IL1RAPL1: variants seen among roughly 807,000 people sequenced by gnomAD.
IL1RAPL1 encodes interleukin 1 receptor accessory protein like 1, also known as interleukin-1 receptor accessory protein-like 1.
A neutral mutation model predicts 48.4 loss-of-function variants in IL1RAPL1; 3 were observed. The ratio of observed to expected loss-of-function variants is 0.06; its 90% CI spans 0.03 to 0.16. The LOEUF (loss-of-function observed/expected upper bound fraction) is 0.16. Among genes scored for constraint, IL1RAPL1 ranks in the 10% least tolerant of loss-of-function variants. The probability of loss-of-function intolerance (pLI) is 1.00; values close to 1 mark genes in which losing one functional copy is unlikely to be tolerated. For synonymous variants in IL1RAPL1, 185 were observed against 187.7 expected (o/e 0.99, Z 0.12); for missense variants, 349 against 530.6 (o/e 0.66, Z 3.36).
chrX:28,714,390 A>G (rs1379316553), intron 1 of IL1RAPL1, among the ~76,000 whole-genome samples: 1 of 111,973 alleles, frequency 8.9e-6, no homozygotes, highest in Non-Finnish European at 1.9e-5. Context: ...ACATGCAGAG[A>G]GCTGGAAAAA....
At chrX:29,382,283 C>T (rs11798065) in intron 3 of IL1RAPL1, among the ~76,000 whole-genome samples, 10,780 of 111,509 alleles carry the variant, frequency 0.097, 438 homozygotes, top group South Asian at 0.16. Flanking sequence ...TATTTTCTTG[C>T]TATTATCATA....
intron 3 of IL1RAPL1, among the ~76,000 whole-genome samples, chrX:29,311,239 A>C (rs1482599507): frequency 1.8e-5 from 2 of 112,412 alleles, no homozygotes; most frequent in Non-Finnish European, 3.8e-5. Context: ...TCAATAAATG[A>C]ACATTACATT....
At chrX:29,469,586 T>C (rs996387955) in intron 5 of IL1RAPL1, among the ~76,000 whole-genome samples, 13 of 111,846 alleles carry the variant, frequency 1.2e-4, no homozygotes, top group African/African-American at 3.9e-4. Context: ...CTAAACACAA[T>C]TGCCTTTGAA....
At chrX:29,096,823 A>T (rs1220687820) in intron 2 of IL1RAPL1, among the ~76,000 whole-genome samples, 1 of 111,267 alleles carries the variant, frequency 9.0e-6, no homozygotes, top group Non-Finnish European at 1.9e-5. Flanking sequence ...AGATTTTAGT[A>T]AAAAGCACGT....
chrX:28,699,834 C>T (rs573146648), intron 1 of IL1RAPL1, among the ~76,000 whole-genome samples: 12 of 111,598 alleles, frequency 1.1e-4, no homozygotes, highest in African/African-American at 2.9e-4. Context: ...CAACGAAAGG[C>T]CTTCACTGCT....
chrX:29,421,850 A>G (rs1934294860), intron 5 of IL1RAPL1, among the ~76,000 whole-genome samples: 1 of 112,258 alleles, frequency 8.9e-6, no homozygotes, highest in South Asian at 3.7e-4. Flanking sequence ...GCAGCCTGGT[A>G]CAGGACTTAG....
chrX:29,778,997 AT>A (rs1429371192), intron 6 of IL1RAPL1, among the ~76,000 whole-genome samples: 2 of 111,465 alleles, frequency 1.8e-5, no homozygotes, highest in African/African-American at 6.5e-5. Flanking sequence ...TAGATCTAGA[AT>A]GGATCCTGAG....
rs1187244342 is a variant in IL1RAPL1 at position 29,501,437 on chromosome X, C to T, written c.703+102129C>T. On this transcript the variant is annotated intron_variant, in intron 5 of 10. Coordinates refer to ENST00000378993, the MANE Select transcript of IL1RAPL1 (RefSeq NM_014271.4). The stretch of plus-strand genomic sequence containing the variant: ...ATTTTTTTTTCTAGTAGTTTTATAG[C>T]TTTAGGTCTTAGATTTAAGTTTTTA... Among the ~76,000 whole-genome samples the T allele has an allele frequency of 4.5e-5, 5 of 111,041 alleles. No homozygotes were observed. In the East Asian group the frequency reaches 1.4e-3, roughly 31 times the overall value.
chrX:28,880,507 C>T (rs1601942664), intron 2 of IL1RAPL1, among the ~76,000 whole-genome samples: 1 of 112,301 alleles, frequency 8.9e-6, no homozygotes, highest in African/African-American at 3.2e-5. Flanking sequence ...TAATTTGCAT[C>T]AGTGCTTTGA....
chrX:29,426,111 C>T lies in IL1RAPL1; in HGVS notation c.703+26803C>T, dbSNP rs187438720. 3.2e-3 allele frequency among the ~76,000 whole-genome samples: 356 copies of T among 111,831 alleles called. 1 individual carries two copies. The highest frequency in any genetic ancestry group is 5.4e-3 in the Non-Finnish European group (285 of 53,210). On this transcript the variant is annotated intron_variant, in intron 5 of 10. Coordinates refer to ENST00000378993, the MANE Select transcript of IL1RAPL1 (RefSeq NM_014271.4). ...CCAGTGAGCCCAGGAATACATAGTACATGGTTCTAAATTTTATTGAAAATA... is the reference window on the plus strand; with the variant it reads ...CCAGTGAGCCCAGGAATACATAGTATATGGTTCTAAATTTTATTGAAAATA...
At chrX:29,399,998 A>G in intron 5 of IL1RAPL1, among the ~76,000 whole-genome samples, 1 of 111,966 alleles carries the variant, frequency 8.9e-6, no homozygotes, top group Non-Finnish European at 1.9e-5. Flanking sequence ...TCCAAATTAG[A>G]AAAGTCGCTT....
At chrX:29,835,924 G>A (rs1174927191) in intron 6 of IL1RAPL1, among the ~76,000 whole-genome samples, 1 of 76,162 alleles carries the variant, frequency 1.3e-5, no homozygotes, top group Admixed American at 1.6e-4. Context: ...GTAAAGGGTT[G>A]TTGATTTTGC....
At chrX:29,608,555 G>T (rs750899616) in intron 5 of IL1RAPL1, among the ~76,000 whole-genome samples, 1 of 111,440 alleles carries the variant, frequency 9.0e-6, no homozygotes, top group African/African-American at 3.3e-5. Context: ...GGCCGGGCGC[G>T]GTGGCTTATG....
intron 1 of IL1RAPL1, among the ~76,000 whole-genome samples, chrX:28,752,033 A>T (rs1365018617): frequency 8.9e-6 from 1 of 112,198 alleles, no homozygotes; most frequent in Non-Finnish European, 1.9e-5. Context: ...CTGAAAGAAG[A>T]TGCTCAGTAT....
intron 2 of IL1RAPL1, among the ~76,000 whole-genome samples, chrX:28,820,694 A>C (rs1394192449): frequency 1.8e-5 from 2 of 111,295 alleles, no homozygotes; most frequent in Non-Finnish European, 3.8e-5. Context: ...CTAGCATTTG[A>C]GTTCACGAAA....
chrX:28,973,606 G>A (rs1259003711), intron 2 of IL1RAPL1, among the ~76,000 whole-genome samples: 7 of 111,442 alleles, frequency 6.3e-5, no homozygotes, highest in Non-Finnish European at 1.1e-4. Flanking sequence ...CTGGACTCAC[G>A]GTTCTTCTTT....
At chrX:29,248,237 G>A (rs1186127076) in intron 2 of IL1RAPL1, among the ~76,000 whole-genome samples, 4 of 110,902 alleles carry the variant, frequency 3.6e-5, no homozygotes, top group East Asian at 2.8e-4. Context: ...CCAACATAGC[G>A]AAACCCCCTC....
intron 1 of IL1RAPL1, among the ~76,000 whole-genome samples, chrX:28,656,551 A>G (rs1934749072): frequency 9.0e-6 from 1 of 110,709 alleles, no homozygotes; most frequent in African/African-American, 3.3e-5. Context: ...ATAAAGCCCC[A>G]TCACAGCATT....
intron 5 of IL1RAPL1, among the ~76,000 whole-genome samples, chrX:29,635,737 T>C (rs1170916191): frequency 9.1e-6 from 1 of 110,321 alleles, no homozygotes; most frequent in East Asian, 2.8e-4. Context: ...GAAAATCATT[T>C]TCAGTGAATT....
Sources: allele counts gnomAD v4.1 joint callset (sites outside exome capture counted in the v4.1 genomes callset), GRCh38; gene constraint gnomAD v4.1.1; transcripts MANE v1.5; gene names NCBI Gene and HGNC (gene_info 2026-07-23, HGNC 2026-07-21).